The following MBOAT1 variants were observed in gnomAD, a reference collection of about 807,000 sequenced individuals.
The protein encoded by MBOAT1 is membrane-bound glycerophospholipid O-acyltransferase 1.
In MBOAT1, 67 loss-of-function variants were observed where a neutral mutation model predicts 64.4. The ratio of observed to expected loss-of-function variants is 1.04; its 90% CI spans 0.85 to 1.27. The LOEUF (loss-of-function observed/expected upper bound fraction) is 1.27, where lower values mean the gene tolerates loss of function less well. Among genes scored for constraint, MBOAT1 ranks in the 50% most tolerant of loss-of-function variants. The pLI, the probability that MBOAT1 is intolerant of heterozygous loss-of-function variation, is 0.00. For missense variants in MBOAT1, 563 were observed against 604.6 expected, an observed-to-expected ratio of 0.93 and a Z score of 0.72; for synonymous variants, 229 against 218.9, an observed-to-expected ratio of 1.05 and a Z score of -0.41.
chr6:20,137,252 C>T (rs1761024557), intron 4 of MBOAT1, among the ~76,000 whole-genome samples: 2 of 152,188 alleles, frequency 1.3e-5, no homozygotes, highest in African/African-American at 4.8e-5. Context: ...TTTACAACAA[C>T]ATGTGGGCAA....
At chr6:20,199,718 C>A (rs1246358230) in intron 1 of MBOAT1, among the ~76,000 whole-genome samples, 1 of 152,136 alleles carries the variant, frequency 6.6e-6, no homozygotes, top group African/African-American at 2.4e-5. Context: ...GCCCATAATC[C>A]CAGCACTTTG....
chr6:20,209,105 T>C (rs556977476), intron 1 of MBOAT1, among the ~76,000 whole-genome samples: 2 of 152,312 alleles, frequency 1.3e-5, no homozygotes, highest in South Asian at 4.1e-4. Context: ...TGAAGGTTTT[T>C]ATTGGCATAA....
Position 20,152,713 on chromosome 6 carries a change from G to A in MBOAT1, c.156C>T (p.Ile52=). 6.2e-7 allele frequency: 1 copy of A among 1,612,460 alleles called. No homozygotes were observed. The highest frequency in any genetic ancestry group is 1.1e-5 in the South Asian group (1 of 90,938). Residue 52 remains isoleucine (I), a synonymous_variant, in exon 2 of 13, where the codon ATC becomes ATT. Transcript: ENST00000324607. The part of the protein sequence containing the change: ...VALFAAFWFR[I]YLRPGTTSSD... Reference sequence around the variant, plus strand: ...AGCTGGTTGTACCAGGACGTAAGTAGATGCGAAACCAGAAAGCAGCAAACA... The same window carrying A: ...AGCTGGTTGTACCAGGACGTAAGTAAATGCGAAACCAGAAAGCAGCAAACA...
At chr6:20,156,564 G>A (rs765449619) in intron 1 of MBOAT1, among the ~76,000 whole-genome samples, 23 of 152,176 alleles carry the variant, frequency 1.5e-4, no homozygotes, top group Non-Finnish European at 2.6e-4. Flanking sequence ...GTGACCACAC[G>A]TGTACATCTT....
intron 1 of MBOAT1, among the ~76,000 whole-genome samples, chr6:20,188,988 T>A (rs1038498812): frequency 2.6e-5 from 4 of 152,212 alleles, no homozygotes; most frequent in African/African-American, 9.7e-5. Flanking sequence ...TCCTTCTTTA[T>A]ATTCCCTCAG....
At chr6:20,147,145 T>C (rs1291204701) in intron 3 of MBOAT1, among the ~76,000 whole-genome samples, 2 of 152,196 alleles carry the variant, frequency 1.3e-5, no homozygotes, top group East Asian at 3.9e-4. Flanking sequence ...TTGTGAGGCC[T>C]CTCCAGCCAC....
rs767429912 is a variant in MBOAT1, at chr6:20,112,957, C to T, written c.1128G>A (p.Leu376=). The T allele has an allele frequency of 5.4e-5, 87 of 1,613,966 alleles. No homozygotes were observed. The highest frequency in any genetic ancestry group is 1.7e-4 in the Admixed American group (10 of 59,992). Residue 376 remains leucine (L), a synonymous_variant, in exon 11 of 13, where the codon CTG becomes CTA. Coordinates refer to ENST00000324607, the MANE Select transcript of MBOAT1 (RefSeq NM_001080480.3). ...GGTAGACACCATGCCACAAAGCAGA[C>T]AGGATGAAGGTTAGCACCGTGGGGT... is the stretch of plus-strand genomic sequence containing the variant. ...PWYPTVLTFI[L]SALWHGVYPG...
intron 3 of MBOAT1, among the ~76,000 whole-genome samples, chr6:20,148,559 A>G (rs559578027): frequency 9.9e-5 from 15 of 152,236 alleles, no homozygotes; most frequent in Non-Finnish European, 1.9e-4. Context: ...CATGGTAATG[A>G]AGGGAACTTG....
intron 1 of MBOAT1, among the ~76,000 whole-genome samples, chr6:20,166,482 C>T (rs1762017942): frequency 6.6e-6 from 1 of 152,120 alleles, no homozygotes; most frequent in African/African-American, 2.4e-5. Context: ...CAGCTCAGGC[C>T]TTTGGGGACT....
chr6:20,113,709 G>A (rs1760240625), intron 10 of MBOAT1, among the ~76,000 whole-genome samples: 1 of 151,600 alleles, frequency 6.6e-6, no homozygotes, highest in Admixed American at 6.6e-5. Context: ...AAGTGACAGG[G>A]AATTCCCCCC....
At chr6:20,189,819 A>G (rs756010430) in intron 1 of MBOAT1, among the ~76,000 whole-genome samples, 12 of 152,110 alleles carry the variant, frequency 7.9e-5, no homozygotes, top group East Asian at 3.9e-4. Flanking sequence ...TTCACTTAGC[A>G]TAATGTCCCC....
In MBOAT1 at chr6:20,152,722, C is replaced by A. The variant is rs1419167749; in HGVS notation, c.147G>T (p.Trp49Cys). 1.9e-6 allele frequency: 3 copies of A among 1,612,224 alleles called. No homozygotes were observed. The highest frequency in any genetic ancestry group is 1.3e-5 in the African/African-American group (1 of 74,802). ...TACCAGGACGTAAGTAGATGCGAAA[C>A]CAGAAAGCAGCAAACAGAGCAACAA... The part of the protein sequence containing the change: ...CQLVALFAAF[W>C]FRIYLRPGTT... Residue 49 changes from tryptophan (W) to cysteine (C), a missense_variant, in exon 2 of 13, where the codon TGG (tryptophan) becomes TGT (cysteine). Physicochemically the swap from Trp to Cys is radical, Grantham distance 215. Transcript: ENST00000324607.
Position 20,210,429 on chromosome 6 carries a change from C to G in MBOAT1, c.99+1707G>C, listed in dbSNP as rs150260830. Among the ~76,000 whole-genome samples the G allele has an allele frequency of 4.5e-3, 681 of 152,300 alleles. 5 individuals are homozygous for G. The highest frequency in any genetic ancestry group is 0.015 in the African/African-American group (631 of 41,564). ...TTTTCCTTGGGCCTAAAATAAGCTA[C>G]CTGGGGCACTGCCTTTTAAGTGCTT... On this transcript the variant is annotated intron_variant, in intron 1 of 12. Coordinates refer to ENST00000324607, the MANE Select transcript of MBOAT1 (RefSeq NM_001080480.3).
Position 20,102,166 on chromosome 6 carries a change from A to G in MBOAT1, c.*120T>C. Reference sequence around the variant, plus strand: ...AAAAATACTCCCTGCACTTTAAAAAAGAACAAAATAAAGATGCATGTAAAC... The same window carrying G: ...AAAAATACTCCCTGCACTTTAAAAAGGAACAAAATAAAGATGCATGTAAAC... On this transcript the variant is annotated 3_prime_UTR_variant, in exon 13 of 13. Coordinates refer to ENST00000324607, the MANE Select transcript of MBOAT1 (RefSeq NM_001080480.3). The G allele has an allele frequency of 1.0e-6, 1 of 963,390 alleles. No individual in the cohort carries two copies. Among genetic ancestry groups the G allele is most frequent in the Non-Finnish European group, 1.5e-6 (1 of 675,568 alleles). 59.7% of individuals were successfully genotyped at this position (963,390 alleles called of 1,614,324 possible).
At chr6:20,135,138 T>C (rs944513207) in intron 4 of MBOAT1, among the ~76,000 whole-genome samples, 1 of 152,084 alleles carries the variant, frequency 6.6e-6, no homozygotes, top group Non-Finnish European at 1.5e-5. Context: ...GGATCCACCA[T>C]CTGACCAACC....
At chr6:20,200,837 A>C (rs1763101194) in intron 1 of MBOAT1, among the ~76,000 whole-genome samples, 1 of 152,122 alleles carries the variant, frequency 6.6e-6, no homozygotes, top group African/African-American at 2.4e-5. Flanking sequence ...CAGGTTATTT[A>C]AGGGTGTATG....
At chr6:20,155,679 T>G (rs1396086898) in intron 1 of MBOAT1, among the ~76,000 whole-genome samples, 1 of 152,108 alleles carries the variant, frequency 6.6e-6, no homozygotes, top group Admixed American at 6.6e-5. Flanking sequence ...TCAGAGGGAA[T>G]AGTTATAGCC....
At chr6:20,202,740 C>G (rs552607641) in intron 1 of MBOAT1, among the ~76,000 whole-genome samples, 69 of 152,112 alleles carry the variant, frequency 4.5e-4, no homozygotes, top group African/African-American at 1.5e-3. Context: ...CCAGTACAAA[C>G]TATTTGGAGC....
chr6:20,187,058 G>A (rs2113750510), intron 1 of MBOAT1, among the ~76,000 whole-genome samples: 1 of 152,298 alleles, frequency 6.6e-6, no homozygotes, highest in African/African-American at 2.4e-5. Context: ...ACCATGACTT[G>A]CTCGTTCCGA....
Sources: gnomAD v4.1 joint callset for allele counts (sites outside exome capture counted in the v4.1 genomes callset) on GRCh38, gnomAD v4.1.1 for gene constraint, MANE v1.5 for transcripts, NCBI Gene and HGNC (gene_info 2026-07-23, HGNC 2026-07-21) for gene names.